The following SLC14A2 variants were observed in gnomAD, a reference collection of about 807,000 sequenced individuals.
The protein encoded by SLC14A2 is urea transporter 2.
Under a neutral mutation model 104.6 loss-of-function variants are expected in SLC14A2, and 91 were observed. That is an observed-to-expected ratio of 0.87 (90% CI 0.73 to 1.04). The LOEUF (loss-of-function observed/expected upper bound fraction) is 1.04. SLC14A2 is among the 50% of genes least tolerant of loss of function. SLC14A2 has a pLI of 0.00. For missense variants in SLC14A2, 1,189 were observed against 1,156.0 expected (o/e 1.03, Z -0.41); for synonymous variants, 476 against 466.4 (o/e 1.02, Z -0.27).
At chr18:45,482,960 T>C (rs1255517929) in intron 1 of SLC14A2, among the ~76,000 whole-genome samples, 1 of 152,196 alleles carries the variant, frequency 6.6e-6, no homozygotes, top group Non-Finnish European at 1.5e-5. Context: ...ATAGGATCCC[T>C]GTTTTGTAAA....
intron 2 of SLC14A2, chr18:45,491,952 T>G (rs1165865047): frequency 6.6e-6 from 1 of 152,212 alleles, no homozygotes; most frequent in Non-Finnish European, 1.5e-5. Context: ...GGAACATGTT[T>G]CTCTCAATTT....
intron 1 of SLC14A2, among the ~76,000 whole-genome samples, chr18:45,260,959 C>G (rs1568125444): frequency 6.6e-6 from 1 of 152,086 alleles, no homozygotes; most frequent in Non-Finnish European, 1.5e-5. Flanking sequence ...ACCCATGTAA[C>G]AAACCTGCAC....
intron 7 of SLC14A2, among the ~76,000 whole-genome samples, chr18:45,640,160 C>T (rs2144551440): frequency 6.6e-6 from 1 of 152,096 alleles, no homozygotes; most frequent in South Asian, 2.1e-4. Context: ...CCCATAATCC[C>T]AGCTACTTGG....
intron 2 of SLC14A2, chr18:45,529,094 C>A (rs2043641605): frequency 6.6e-6 from 1 of 152,222 alleles, no homozygotes. Context: ...CCTGAGGGAA[C>A]AAAAGAGCCT....
At chr18:45,625,567 C>T in intron 2 of SLC14A2, 116 bp from the exon 3 acceptor site, 3 of 777,470 alleles carry the variant, frequency 3.9e-6, no homozygotes, top group Middle Eastern at 2.3e-4. Flanking sequence ...TGTGTTCCAC[C>T]CTTTGTCTCA....
rs192945023 is a variant in SLC14A2, at chr18:45,452,955, C to G, written c.-124-30278C>G. ...CAGGAGTGGCCCACTGAAGCAATTGCTTAGACAGCAGCCTGGCCCAGGGTG... is the reference window on the plus strand; with the variant it reads ...CAGGAGTGGCCCACTGAAGCAATTGGTTAGACAGCAGCCTGGCCCAGGGTG... On this transcript the variant is annotated intron_variant, in intron 1 of 20. Coordinates refer to the SLC14A2 transcript ENST00000586448. Among the ~76,000 whole-genome samples the G allele has an allele frequency of 2.4e-3, 361 of 152,280 alleles. 1 individual carries two copies. The highest frequency in any genetic ancestry group is 8.1e-3 in the African/African-American group (335 of 41,560).
At chr18:45,274,479 T>C (rs1278731566) in intron 1 of SLC14A2, among the ~76,000 whole-genome samples, 1 of 152,184 alleles carries the variant, frequency 6.6e-6, no homozygotes, top group Non-Finnish European at 1.5e-5. Flanking sequence ...ATAGTTGTAG[T>C]CCAAGCTTTC....
At chr18:45,396,358 A>G (rs1405374720) in intron 1 of SLC14A2, among the ~76,000 whole-genome samples, 1 of 152,154 alleles carries the variant, frequency 6.6e-6, no homozygotes, top group Non-Finnish European at 1.5e-5. Flanking sequence ...GAACTCTATT[A>G]TAGACTTTTC....
intron 2 of SLC14A2, among the ~76,000 whole-genome samples, chr18:45,521,799 G>A (rs1598955578): frequency 6.6e-6 from 1 of 152,080 alleles, no homozygotes; most frequent in South Asian, 2.1e-4. Flanking sequence ...CCTCATAAAT[G>A]CATTTGTTCT....
intron 1 of SLC14A2, among the ~76,000 whole-genome samples, chr18:45,397,296 C>T (rs2086045265): frequency 6.6e-6 from 1 of 152,110 alleles, no homozygotes; most frequent in Non-Finnish European, 1.5e-5. Flanking sequence ...ATATGTATTC[C>T]CTTTCCTCTA....
chr18:45,525,192 A>C (rs549825342), intron 2 of SLC14A2, among the ~76,000 whole-genome samples: 1 of 152,184 alleles, frequency 6.6e-6, no homozygotes, highest in Non-Finnish European at 1.5e-5. Context: ...CCATCCTATA[A>C]AAATTTTCTC....
chr18:45,297,921 C>A (rs1385816972), intron 1 of SLC14A2, among the ~76,000 whole-genome samples: 1 of 152,120 alleles, frequency 6.6e-6, no homozygotes, highest in Non-Finnish European at 1.5e-5. Flanking sequence ...ATTTAGGAGA[C>A]AGATAAAATG....
At chr18:45,589,479 G>A (rs2044616898) in intron 2 of SLC14A2, among the ~76,000 whole-genome samples, 1 of 152,152 alleles carries the variant, frequency 6.6e-6, no homozygotes, top group East Asian at 1.9e-4. Flanking sequence ...CACGTTTAGT[G>A]TTTCCATATG....
chr18:45,680,390 CT>C (rs544153625), intron 19 of SLC14A2, among the ~76,000 whole-genome samples: 41 of 152,308 alleles, frequency 2.7e-4, no homozygotes, highest in African/African-American at 8.7e-4. Context: ...TCAAGTTTAC[CT>C]AGTTTGCCTA....
intron 2 of SLC14A2, among the ~76,000 whole-genome samples, chr18:45,536,979 A>G (rs1457110847): frequency 6.7e-6 from 1 of 149,182 alleles, no homozygotes; most frequent in East Asian, 2.0e-4. Context: ...CATTCAGACC[A>G]CAGTGCAAGA....
chr18:45,548,302 CAGGAAGAAGACTTCCTTCAGTG>C (rs1270814401), intron 2 of SLC14A2, among the ~76,000 whole-genome samples: 6 of 152,324 alleles, frequency 3.9e-5, no homozygotes, highest in Admixed American at 6.5e-5. Flanking sequence ...TCCATTAGCA[CAGGAAGAAGACTTCCTTCAGTG>C]AGGAAGAAGA....
chr18:45,596,211 C>T (rs2044717054), intron 2 of SLC14A2, among the ~76,000 whole-genome samples: 1 of 152,152 alleles, frequency 6.6e-6, no homozygotes, highest in South Asian at 2.1e-4. Context: ...TGTGGAAAGG[C>T]CTGGCTTGCC....
chr18:45,551,214 T>C (rs2044050821), intron 2 of SLC14A2, among the ~76,000 whole-genome samples: 1 of 152,048 alleles, frequency 6.6e-6, no homozygotes, highest in Non-Finnish European at 1.5e-5. Flanking sequence ...TTTTTTAATA[T>C]GGGGAATTTT....
chr18:45,535,897 G>A (rs541747668), intron 2 of SLC14A2, among the ~76,000 whole-genome samples: 12 of 152,280 alleles, frequency 7.9e-5, no homozygotes, highest in Middle Eastern at 3.4e-3. Context: ...AGACAGATCT[G>A]TTTCTTGCCC....
Sources: gnomAD v4.1 joint callset for allele counts (sites outside exome capture counted in the v4.1 genomes callset) on GRCh38, gnomAD v4.1.1 for gene constraint, MANE v1.5 for transcripts, NCBI Gene and HGNC (gene_info 2026-07-23, HGNC 2026-07-21) for gene names.